Variants in IFT140 observed in about 807,000 individuals in gnomAD.
IFT140 encodes the protein intraflagellar transport protein 140 homolog.
IFT140 carries 133 observed loss-of-function variants against 164.6 expected under a neutral mutation model. The observed-to-expected ratio is 0.81, with a 90% CI of 0.70 to 0.93. The LOEUF (loss-of-function observed/expected upper bound fraction) is 0.93. IFT140 is among the 40% of genes least tolerant of loss of function. IFT140 has a pLI of 0.00. For synonymous variants in IFT140, 860 were observed against 817.3 expected (o/e 1.05, Z -0.89); for missense variants, 2,045 against 1,972.3 (o/e 1.04, Z -0.70).
At chr16:1,601,908 G>A (rs2142034976) in intron 4 of IFT140, among the ~76,000 whole-genome samples, 1 of 152,338 alleles carries the variant, frequency 6.6e-6, no homozygotes, top group South Asian at 2.1e-4. Context: ...AGTTGCCTCT[G>A]CACCATGTCG....
At chr16:1,518,927 T>C (rs2040441464) in intron 29 of IFT140, among the ~76,000 whole-genome samples, 1 of 151,486 alleles carries the variant, frequency 6.6e-6, no homozygotes, top group Non-Finnish European at 1.5e-5. Flanking sequence ...GTCAGGAGGG[T>C]CCAGGGCCCA....
chr16:1,595,902 T>C (rs1356956239), intron 4 of IFT140, among the ~76,000 whole-genome samples: 2 of 151,948 alleles, frequency 1.3e-5, no homozygotes, highest in East Asian at 1.9e-4. Flanking sequence ...AAAATATAAA[T>C]ATTAGCTGGG....
At chr16:1,520,417 G>C (rs2040486593) in intron 27 of IFT140, 74 bp from the exon 28 acceptor site, 5 of 1,512,414 alleles carry the variant, frequency 3.3e-6, no homozygotes, top group African/African-American at 1.4e-5. Flanking sequence ...CCGAGCAGGA[G>C]CTCTCACAAG....
Position 1,592,295 on chromosome 16 carries a change from G to T in IFT140, c.515C>A (p.Ala172Glu). ...PGEDLVQLAKAAVSGDEKALD... is the reference protein window; with the variant it reads ...PGEDLVQLAKEAVSGDEKALD... Reference sequence around the variant, plus strand: ...GGCTTTCTCATCACCGCTCACAGCTGCCTTTGCCAACTGAACCAGGTCCCT... The same window carrying T: ...GGCTTTCTCATCACCGCTCACAGCTTCCTTTGCCAACTGAACCAGGTCCCT... The change falls in exon 6 of 31, where the codon GCA (alanine) becomes GAA (glutamate). Residue 172 changes from alanine (A) to glutamate (E), a missense_variant. Coordinates refer to ENST00000426508, the MANE Select transcript of IFT140 (RefSeq NM_014714.4). 6.2e-7 allele frequency: 1 copy of T among 1,614,172 alleles called. No individual in the cohort carries two copies. Among genetic ancestry groups the T allele is most frequent in the Non-Finnish European group, 8.5e-7 (1 of 1,180,044 alleles).
intron 12 of IFT140, among the ~76,000 whole-genome samples, chr16:1,582,149 G>A (rs936809906): frequency 1.3e-5 from 2 of 152,138 alleles, no homozygotes; most frequent in African/African-American, 4.8e-5. Flanking sequence ...GGCTGGGAAA[G>A]GTTCCCTAAA....
intron 13 of IFT140, among the ~76,000 whole-genome samples, chr16:1,575,536 G>A (rs1030441521): frequency 6.6e-6 from 1 of 152,146 alleles, no homozygotes; most frequent in East Asian, 1.9e-4. Flanking sequence ...GGGCAACAAA[G>A]TGAGACCCTG....
In IFT140 at chr16:1,520,725, G is replaced by C; in HGVS notation, c.3537C>G (p.Asp1179Glu). ...EMAEKMTVAK[D>E]SSDLPEESRR... ...GCGACTCCTCAGGCAGGTCCGAGGA[G>C]TCCTTGGCCACGGTCATCTTTTCCG... Residue 1179 changes from aspartate to glutamate, a missense_variant, in exon 27 of 31, where the codon GAC (aspartate) becomes GAG (glutamate). Coordinates refer to ENST00000426508, the MANE Select transcript of IFT140 (RefSeq NM_014714.4). 6.2e-7 allele frequency: 1 copy of C among 1,611,978 alleles called. No individual in the cohort carries two copies. The highest frequency in any genetic ancestry group is 8.5e-7 in the Non-Finnish European group (1 of 1,179,942).
At chr16:1,572,745 C>A (rs1486422752) in intron 13 of IFT140, among the ~76,000 whole-genome samples, 2 of 152,240 alleles carry the variant, frequency 1.3e-5, no homozygotes, top group Non-Finnish European at 2.9e-5. Context: ...TAGGGACTAA[C>A]CTTAATCCTC....
chr16:1,534,674 C>T (rs140776695), intron 19 of IFT140: 18,874 of 1,438,168 alleles, frequency 0.013, 160 homozygotes, highest in Middle Eastern at 0.022. Context: ...CTGCCCTGAG[C>T]GTGGCCTCTG....
chr16:1,536,244 C>T (rs571986236), intron 19 of IFT140, among the ~76,000 whole-genome samples: 320 of 152,352 alleles, frequency 2.1e-3, no homozygotes, highest in African/African-American at 7.0e-3. Context: ...CTACCTCTTG[C>T]GTTCCTCCAG....
At chr16:1,572,107 G>A (rs58334533) in intron 13 of IFT140, among the ~76,000 whole-genome samples, 28,347 of 152,030 alleles carry the variant, frequency 0.19, 3,418 homozygotes, top group African/African-American at 0.33. Flanking sequence ...GCTTAGGCAC[G>A]ACGCACCCAC....
In IFT140 at chr16:1,568,217, C is replaced by T. The variant is rs766172222; in HGVS notation, c.1770G>A (p.Lys590=). ...SGSTISILPS[K]ADNSPDSKIC... ...GCGAGTGGACGAGGGGTGGCCTCAC[C>T]TTGCTGGGGAGGATGCTGATGGTGC... Residue 590 remains lysine, a splice_region_variant and synonymous_variant, in exon 15 of 31, where the codon AAG becomes AAA. Coordinates refer to ENST00000426508, the MANE Select transcript of IFT140 (RefSeq NM_014714.4). 1.3e-6 allele frequency: 2 copies of T among 1,594,646 alleles called. No homozygotes were observed. Among genetic ancestry groups the T allele is most frequent in the Non-Finnish European group, 8.5e-7 (1 of 1,171,328 alleles).
chr16:1,541,590 C>T (rs2031643059), intron 19 of IFT140: 2 of 770,778 alleles, frequency 2.6e-6, no homozygotes, highest in African/African-American at 1.9e-5. Context: ...CCCACGCCAG[C>T]GCCTTCAAGG....
In IFT140 at chr16:1,608,631, CAAAA is replaced by C. The variant is rs10675170; in HGVS notation, c.-31-1338_-31-1335del. Among the ~76,000 whole-genome samples, 38 of 83,714 alleles carry C rather than the reference CAAAA, an allele frequency of 4.5e-4. 1 individual carries two copies. The highest frequency in any genetic ancestry group is 1.6e-3 in the African/African-American group (34 of 20,952). The allele number at this position is 83,714 out of a possible 152,430, so 54.9% of individuals were successfully genotyped here. On this transcript the variant is annotated intron_variant, in intron 2 of 30. Coordinates refer to ENST00000426508, the MANE Select transcript of IFT140 (RefSeq NM_014714.4). ...CTGGCAACAGAATAGGACTCCGCCT[CAAAA>C]AAAAAAAAAAAAAAAAGAAACCCGA...
intron 19 of IFT140, among the ~76,000 whole-genome samples, chr16:1,556,497 G>C (rs532437910): frequency 6.6e-6 from 1 of 152,234 alleles, no homozygotes; most frequent in Non-Finnish European, 1.5e-5. Flanking sequence ...CAGGCCACCC[G>C]CTGCTAATAT....
intron 4 of IFT140, among the ~76,000 whole-genome samples, chr16:1,595,891 A>G (rs1410687068): frequency 6.6e-6 from 1 of 152,102 alleles, no homozygotes. Flanking sequence ...TGTCTCTACT[A>G]AAAATATAAA....
rs568531982 is a variant in IFT140 at position 1,551,608 on chromosome 16, G to A, written c.2399+6327C>T. ...TCAGTATCCCCAGCAAGGTCACCCG[G>A]CACTGCTGCAGACACCTTGAAACGT... On this transcript the variant is annotated intron_variant, in intron 19 of 30. Transcript: ENST00000426508. The surrounding 1 kb of genome is among the most constrained non-coding windows in gnomAD (Gnocchi z 4.0). Among the ~76,000 whole-genome samples, 2 of 152,324 alleles carry A rather than the reference G, an allele frequency of 1.3e-5. No individual in the cohort carries two copies. Among genetic ancestry groups the A allele is most frequent in the Non-Finnish European group, 2.9e-5 (2 of 68,020 alleles).
intron 19 of IFT140, chr16:1,541,008 T>C: frequency 2.0e-6 from 2 of 985,380 alleles, no homozygotes; most frequent in Non-Finnish European, 2.4e-6. Flanking sequence ...TAAGGTTTTA[T>C]TTGCGGGAGA....
intron 26 of IFT140, among the ~76,000 whole-genome samples, chr16:1,522,486 G>C (rs1207896292): frequency 6.6e-6 from 1 of 152,242 alleles, no homozygotes; most frequent in Non-Finnish European, 1.5e-5. Context: ...GGTGAGCTGA[G>C]ATCGCCCCAT....
Sources: allele counts gnomAD v4.1 joint callset (sites outside exome capture counted in the v4.1 genomes callset), GRCh38; gene constraint gnomAD v4.1.1; non-coding constraint Gnocchi (gnomAD v3.1); transcripts MANE v1.5; gene names NCBI Gene and HGNC (gene_info 2026-07-23, HGNC 2026-07-21).